The following TXLNB variants were observed in gnomAD, a reference collection of about 807,000 sequenced individuals.
The protein encoded by TXLNB is beta-taxilin.
In TXLNB, 37 loss-of-function variants were observed where a neutral mutation model predicts 57.4. The observed-to-expected ratio is 0.64, with a 90% CI of 0.50 to 0.85. The LOEUF (loss-of-function observed/expected upper bound fraction) is 0.85, where lower values mean the gene tolerates loss of function less well. Among genes scored for constraint, TXLNB ranks in the 40% least tolerant of loss-of-function variants. The pLI is 0.00. For missense variants in TXLNB, 848 were observed against 825.6 expected, an observed-to-expected ratio of 1.03 and a Z score of -0.33; for synonymous variants, 302 against 309.6, an observed-to-expected ratio of 0.98 and a Z score of 0.26.
the TXLNB span, chr6:139,179,476 T>C: frequency 6.6e-6 from 1 of 152,210 alleles, no homozygotes; most frequent in Non-Finnish European, 1.5e-5. Flanking sequence ...GATGAGGTTT[T>C]ACTGTAATTG....
At chr6:139,203,430 T>A in the TXLNB span, 1 of 152,228 alleles carries the variant, frequency 6.6e-6, no homozygotes, top group Admixed American at 6.5e-5. Flanking sequence ...CAATGTCCCA[T>A]AATTGCTAAA....
intron 8 of TXLNB, 69 bp from the exon 9 acceptor site, chr6:139,244,759 T>C (rs1776032345): frequency 9.6e-7 from 1 of 1,041,918 alleles, no homozygotes; most frequent in South Asian, 1.3e-5. Context: ...ATTAGCTCCA[T>C]ATGTGAGACC....
rs141073838 is a variant in TXLNB at position 139,283,528 on chromosome 6, A to G, written c.424+4948T>C. On this transcript the variant is annotated intron_variant, in intron 2 of 9. Transcript: ENST00000358430. ...AGGGCGGAGGTTGTGGTGAGCCGAGATCGCACCATTGCACTCCAGCCTGGG... is the reference window on the plus strand; with the variant it reads ...AGGGCGGAGGTTGTGGTGAGCCGAGGTCGCACCATTGCACTCCAGCCTGGG... Among the ~76,000 whole-genome samples the G allele has an allele frequency of 1.4e-5, 2 of 140,898 alleles. 1 individual carries two copies. Among genetic ancestry groups the G allele is most frequent in the Admixed American group, 1.4e-4 (2 of 14,444 alleles). The allele number at this position is 140,898 out of a possible 152,430, so 92.4% of individuals were successfully genotyped here.
the TXLNB span, among the ~76,000 whole-genome samples, chr6:139,220,961 G>C: frequency 4.3e-4 from 66 of 152,312 alleles, no homozygotes; most frequent in Non-Finnish European, 8.2e-4. Flanking sequence ...TCTGCTTCTT[G>C]TAAGGGTAGA....
the TXLNB span, among the ~76,000 whole-genome samples, chr6:139,192,811 A>G: frequency 2.0e-5 from 3 of 151,930 alleles, no homozygotes; most frequent in African/African-American, 7.2e-5. Context: ...GAAATACAAA[A>G]AATTAGCTGG....
intron 8 of TXLNB, among the ~76,000 whole-genome samples, chr6:139,245,279 A>G (rs1776042538): frequency 6.6e-6 from 1 of 152,190 alleles, no homozygotes; most frequent in East Asian, 1.9e-4. Context: ...CGAAGTTCGG[A>G]GAGGTAGAGT....
At chr6:139,214,119 C>T in the TXLNB span, among the ~76,000 whole-genome samples, 2 of 152,198 alleles carry the variant, frequency 1.3e-5, no homozygotes, top group East Asian at 1.9e-4. Context: ...TCCTCCCTAA[C>T]TCATTTTATG....
At chr6:139,315,664 A>G in the TXLNB span, among the ~76,000 whole-genome samples, 7 of 152,238 alleles carry the variant, frequency 4.6e-5, no homozygotes, top group African/African-American at 1.4e-4. Context: ...ATTCCCTTTA[A>G]GTAGAATATA....
chr6:139,186,343 T>C, the TXLNB span, among the ~76,000 whole-genome samples: 3 of 152,094 alleles, frequency 2.0e-5, no homozygotes, highest in African/African-American at 7.2e-5. Flanking sequence ...ACATAAAAAG[T>C]TCCCCCAAAA....
chr6:139,203,599 C>T, the TXLNB span: 1 of 152,064 alleles, frequency 6.6e-6, no homozygotes, highest in African/African-American at 2.4e-5. Context: ...TTTAGTTTTT[C>T]TCTACCCATC....
chr6:139,299,766 G>A, the TXLNB span, among the ~76,000 whole-genome samples: 2 of 152,100 alleles, frequency 1.3e-5, no homozygotes, highest in South Asian at 2.1e-4. Context: ...TACTAGACAG[G>A]ACTTAGAGGT....
the TXLNB span, chr6:139,176,878 A>T: frequency 1.2e-6 from 1 of 805,276 alleles, no homozygotes; most frequent in Non-Finnish European, 2.2e-6. This position sits in a 1 kb window ranked among gnomAD's most constrained non-coding sequence, Gnocchi z 4.5. Context: ...TTTGGTTTGG[A>T]TGACTTTGAC....
the TXLNB span, among the ~76,000 whole-genome samples, chr6:139,187,584 G>A: frequency 2.0e-5 from 3 of 151,968 alleles, no homozygotes; most frequent in African/African-American, 7.3e-5. Context: ...CATTGCAATG[G>A]CAAACGTAAC....
the TXLNB span, among the ~76,000 whole-genome samples, chr6:139,192,977 A>AAC: frequency 1.0e-4 from 15 of 148,842 alleles, no homozygotes; most frequent in South Asian, 2.1e-4. Flanking sequence ...ACAAAAAACA[A>AAC]AAAAAAAAAA....
In TXLNB at chr6:139,275,547, T is replaced by A. The variant is rs112938117; in HGVS notation, c.516+1283A>T. Among the ~76,000 whole-genome samples the A allele has an allele frequency of 9.1e-3, 1,384 of 152,314 alleles. 23 individuals are homozygous for A. The highest frequency in any genetic ancestry group is 0.031 in the African/African-American group (1,292 of 41,568). On this transcript the variant is annotated intron_variant, in intron 3 of 9. Coordinates refer to ENST00000358430, the MANE Select transcript of TXLNB (RefSeq NM_153235.4). ...TGAAGTAGTTTGTGTGTCTAAAAAATAATTTAAAAATACTGTTGGCAGGGT... is the reference window on the plus strand; with the variant it reads ...TGAAGTAGTTTGTGTGTCTAAAAAAAAATTTAAAAATACTGTTGGCAGGGT...
Position 139,282,461 on chromosome 6 carries a change from T to C in TXLNB, c.425-5540A>G, listed in dbSNP as rs566021663. ...GCATGGTGGCACGTGGCTGTAATCC[T>C]AGCTACATGGGAGACTGAGGCAGTA... On this transcript the variant is annotated intron_variant, in intron 2 of 9. Coordinates refer to ENST00000358430, the MANE Select transcript of TXLNB (RefSeq NM_153235.4). Among the ~76,000 whole-genome samples, 23 of 145,030 alleles carry C rather than the reference T, an allele frequency of 1.6e-4. 1 individual carries two copies. The highest frequency in any genetic ancestry group is 7.4e-4 in the Admixed American group (11 of 14,800).
At chr6:139,211,081 A>G in the TXLNB span, among the ~76,000 whole-genome samples, 1 of 152,240 alleles carries the variant, frequency 6.6e-6, no homozygotes, top group Non-Finnish European at 1.5e-5. Flanking sequence ...AAGAGACAGC[A>G]ATAACCTCTG....
At chr6:139,206,431 G>T in the TXLNB span, among the ~76,000 whole-genome samples, 9 of 152,210 alleles carry the variant, frequency 5.9e-5, no homozygotes, top group Non-Finnish European at 1.0e-4. Context: ...CACTTTGGGA[G>T]GCCAAGGTGG....
intron 2 of TXLNB, among the ~76,000 whole-genome samples, chr6:139,278,873 A>G (rs117375504): frequency 0.034 from 5,105 of 152,264 alleles, 133 homozygotes; most frequent in Non-Finnish European, 0.049. Flanking sequence ...GCTTGGTGGT[A>G]CATGCCTGTA....
Sources: allele counts gnomAD v4.1 joint callset (sites outside exome capture counted in the v4.1 genomes callset), GRCh38; gene constraint gnomAD v4.1.1; non-coding constraint Gnocchi (gnomAD v3.1); transcripts MANE v1.5; gene names NCBI Gene and HGNC (gene_info 2026-07-23, HGNC 2026-07-21).